Variants in CDCP2 observed in about 807,000 individuals in gnomAD.
CDCP2 encodes the protein CUB domain containing protein 2.
A neutral mutation model predicts 31.0 loss-of-function variants in CDCP2; 31 were observed. The ratio of observed to expected loss-of-function variants is 1.00; its 90% CI spans 0.75 to 1.35. The LOEUF is 1.35. Ranked by LOEUF, CDCP2 falls within the 40% of genes most tolerant of loss-of-function variation. CDCP2 has a pLI of 0.00. For missense variants in CDCP2, 443 were observed against 482.6 expected (o/e 0.92, Z 0.77); for synonymous variants, 206 against 207.9 (o/e 0.99, Z 0.08).
chr1:54,152,993 A>T (rs758163456), upstream of CDCP2: 19 of 1,445,786 alleles, frequency 1.3e-5, no homozygotes, highest in Admixed American at 3.4e-5. Flanking sequence ...GGAGCAAGGG[A>T]AAGAGAGGTG....
At chr1:54,148,214 A>G (rs1346797416) in intron 1 of CDCP2, among the ~76,000 whole-genome samples, 1 of 151,178 alleles carries the variant, frequency 6.6e-6, no homozygotes, top group African/African-American at 2.5e-5. Context: ...TTACTGGTCA[A>G]ATAAGCCAGG....
At chr1:54,139,924 A>G in exon 4 of CDCP2, 1 of 1,614,210 alleles carries the variant, frequency 6.2e-7, no homozygotes, top group Non-Finnish European at 8.5e-7. Flanking sequence ...AGATGGTCAA[A>G]GTCACAGGTC....
At chr1:54,140,557 A>C in intron 3 of CDCP2, 2 of 236,454 alleles carry the variant, frequency 8.5e-6, no homozygotes, top group East Asian at 1.2e-4. Context: ...TCCTGCTTGG[A>C]ATGCCCTTCC....
chr1:54,133,504 C>G (rs1659200857), intron 5 of CDCP2, among the ~76,000 whole-genome samples: 2 of 152,218 alleles, frequency 1.3e-5, no homozygotes, highest in South Asian at 4.1e-4. Context: ...GCCAGTGTTT[C>G]TCTGGCTAAT....
intron 1 of CDCP2, 124 bp from the exon 2 acceptor site, chr1:54,144,937 G>A: frequency 1.5e-6 from 1 of 660,936 alleles, no homozygotes; most frequent in East Asian, 2.8e-5. Context: ...ATGGCCATGT[G>A]TTTATTTGCT....
chr1:54,152,889 C>T (rs745325868), exon 1 of CDCP2: 2 of 1,614,078 alleles, frequency 1.2e-6, no homozygotes, highest in Non-Finnish European at 8.5e-7. Flanking sequence ...AGTGCCACTG[C>T]CAGCAGCAGG....
At chr1:54,137,970 G>GCCACATCTGGAGCCTCGC (rs1423505742) in intron 4 of CDCP2, 5 of 152,190 alleles carry the variant, frequency 3.3e-5, no homozygotes, top group Admixed American at 2.0e-4. Flanking sequence ...TGCAGCCTGG[G>GCCACATCTGGAGCCTCGC]CCACATCTGG....
At chr1:54,137,663 A>ATGTG (rs113860529) in intron 4 of CDCP2, 3,608 of 144,842 alleles carry the variant, frequency 0.025, 134 homozygotes, top group African/African-American at 0.076. Flanking sequence ...TTGGGTGAGC[A>ATGTG]TGTGTGTGTG....
chr1:54,150,145 T>G (rs1345929005), intron 1 of CDCP2, among the ~76,000 whole-genome samples: 1 of 152,178 alleles, frequency 6.6e-6, no homozygotes, highest in Non-Finnish European at 1.5e-5. Context: ...GCCCGCAGGG[T>G]GAGCATGTGC....
intron 1 of CDCP2, among the ~76,000 whole-genome samples, chr1:54,147,683 A>G (rs973098048): frequency 1.3e-4 from 20 of 151,792 alleles, no homozygotes; most frequent in African/African-American, 3.9e-4. Context: ...ACTTATTTAT[A>G]GAAGACTTCA....
At chr1:54,135,593 G>T (rs940597258) in intron 5 of CDCP2, among the ~76,000 whole-genome samples, 7 of 152,104 alleles carry the variant, frequency 4.6e-5, no homozygotes, top group African/African-American at 1.4e-4. Flanking sequence ...CCTGCTTCTC[G>T]GATTCTTTGT....
At chr1:54,148,030 T>A (rs1659505819) in intron 1 of CDCP2, among the ~76,000 whole-genome samples, 1 of 151,036 alleles carries the variant, frequency 6.6e-6, no homozygotes, top group South Asian at 2.1e-4. Context: ...AAAAAAAAAA[T>A]TTAAACAAGG....
intron 1 of CDCP2, among the ~76,000 whole-genome samples, chr1:54,146,144 A>G (rs1570069012): frequency 6.6e-6 from 1 of 152,064 alleles, no homozygotes; most frequent in Non-Finnish European, 1.5e-5. Context: ...TAATGTCAAT[A>G]GAAACCAATA....
chr1:54,144,416 G>C lies in CDCP2; in HGVS notation c.427+50C>G, dbSNP rs1659423974. On this transcript the variant is annotated intron_variant, in intron 2 of 5. Coordinates refer to ENST00000530059, the Ensembl canonical transcript of CDCP2. The stretch of plus-strand genomic sequence containing the variant: ...CCCACTTTGGCTTGCCAAAGCACCA[G>C]GATTACAGGTGTGAGCCACTGCAAC... 2.7e-6 allele frequency: 4 copies of C among 1,482,898 alleles called. No individual in the cohort carries two copies. The South Asian group carries it at 5.3e-5, about 20-fold the overall frequency. 91.9% of individuals were successfully genotyped at this position (1,482,898 alleles called of 1,614,324 possible).
At chr1:54,144,686 C>T (rs903751908) in exon 2 of CDCP2, 1 of 1,614,236 alleles carries the variant, frequency 6.2e-7, no homozygotes, top group Non-Finnish European at 8.5e-7. Flanking sequence ...GGAAGGTGAG[C>T]AGCACCGAGG....
intron 5 of CDCP2, 142 bp from the exon 6 acceptor site, chr1:54,133,436 A>G: frequency 5.0e-6 from 2 of 397,678 alleles, no homozygotes; most frequent in Non-Finnish European, 8.8e-6. Context: ...CAGTGATCCC[A>G]TCTGTAAAAG....
intron 1 of CDCP2, 152 bp downstream of exon 1, chr1:54,152,692 C>A: frequency 5.9e-6 from 4 of 673,620 alleles, no homozygotes; most frequent in South Asian, 4.1e-5. Context: ...TGTCTCCCCC[C>A]ATCTCAGGAA....
At chr1:54,150,702 G>A (rs1219936725) in intron 1 of CDCP2, among the ~76,000 whole-genome samples, 1 of 152,206 alleles carries the variant, frequency 6.6e-6, no homozygotes, top group Non-Finnish European at 1.5e-5. Context: ...GAGCCCAGAG[G>A]CTCTGGCTGT....
rs775362639 is a variant in CDCP2 at position 54,144,815 on chromosome 1, T to A, written c.80-2A>T. 1 of 1,604,806 alleles carries A rather than the reference T, an allele frequency of 6.2e-7. No individual in the cohort carries two copies. The highest frequency in any genetic ancestry group is 2.2e-5 in the East Asian group (1 of 44,604). On this transcript the variant is annotated splice_acceptor_variant, in intron 1 of 5. Coordinates refer to ENST00000530059, the Ensembl canonical transcript of CDCP2. LOFTEE classifies it high-confidence loss of function. The stretch of plus-strand genomic sequence containing the variant: ...AGAGCACACCCCCACATTTGACACC[T>A]GGGGCAAGAGAGAAGTATGGCTGAG...
Sources: allele counts gnomAD v4.1 joint callset (sites outside exome capture counted in the v4.1 genomes callset), GRCh38; gene constraint gnomAD v4.1.1; transcripts MANE v1.5; gene names NCBI Gene and HGNC (gene_info 2026-07-23, HGNC 2026-07-21).